The following NAA15 variants were observed in gnomAD, a reference collection of about 807,000 sequenced individuals.
The protein encoded by NAA15 is N-alpha-acetyltransferase 15, NatA auxiliary subunit.
Under a neutral mutation model 114.0 loss-of-function variants are expected in NAA15, and 34 were observed. The ratio of observed to expected loss-of-function variants is 0.30; its 90% CI spans 0.23 to 0.40. The LOEUF (loss-of-function observed/expected upper bound fraction) is 0.40, where lower values mean the gene tolerates loss of function less well. Among genes scored for constraint, NAA15 ranks in the 10% least tolerant of loss-of-function variants. The pLI is 1.00. For missense variants in NAA15, 658 were observed against 1,004.5 expected (o/e 0.66, Z 4.66); for synonymous variants, 340 against 338.0 (o/e 1.01, Z -0.06).
rs531793563 is a variant in NAA15 at position 139,384,647 on chromosome 4, T to TG, written c.2156-179dup. Among the ~76,000 whole-genome samples the TG allele has an allele frequency of 3.4e-4, 51 of 151,888 alleles. No individual in the cohort carries two copies. The East Asian group carries it at 9.9e-3, about 29-fold the overall frequency. On this transcript the variant is annotated intron_variant, in intron 17 of 19. Transcript: ENST00000296543. ...GTGCACACCTGAAGTCCCAGCTACC[T>TG]GGGGGGCTGAAGTGGGAGGATTGCA...
chr4:139,327,805 A>G (rs571209541), intron 1 of NAA15, among the ~76,000 whole-genome samples: 1 of 152,178 alleles, frequency 6.6e-6, no homozygotes, highest in East Asian at 1.9e-4. Context: ...AGCTAGCATT[A>G]CAGGCATGCA....
At position 139,373,383 on chromosome 4, in the gene NAA15, G is replaced by A. The variant is rs553600404; in HGVS notation, c.1947+2979G>A. On this transcript the variant is annotated intron_variant, in intron 15 of 19. Coordinates refer to ENST00000296543, the MANE Select transcript of NAA15 (RefSeq NM_057175.5). The stretch of plus-strand genomic sequence containing the variant: ...GTTTCTAAAATGCCCTAAAAATAGG[G>A]CATTCTAATCTTATGGGACCACTTA... 9.9e-5 allele frequency among the ~76,000 whole-genome samples: 15 copies of A among 152,184 alleles called. No individual in the cohort carries two copies. In the South Asian group the frequency reaches 3.1e-3, roughly 32 times the overall value.
intron 1 of NAA15, 199 bp downstream of exon 1, chr4:139,302,030 T>A: frequency 4.1e-6 from 2 of 484,194 alleles, no homozygotes; most frequent in Non-Finnish European, 7.1e-6. Flanking sequence ...CACAGGCTTC[T>A]TCATTCCATC....
At chr4:139,370,556 T>C in intron 15 of NAA15, 152 bp downstream of exon 15, 1 of 668,564 alleles carries the variant, frequency 1.5e-6, no homozygotes, top group Non-Finnish European at 2.2e-6. Flanking sequence ...TTCTTTAATA[T>C]TTTGTTTCTG....
chr4:139,326,797 A>G (rs934482085), intron 1 of NAA15, among the ~76,000 whole-genome samples: 1 of 152,260 alleles, frequency 6.6e-6, no homozygotes, highest in African/African-American at 2.4e-5. Context: ...CCATTAATAC[A>G]AAGTCAATTA....
At chr4:139,334,282 T>A in intron 2 of NAA15, 24 bp downstream of exon 2, 1 of 1,477,028 alleles carries the variant, frequency 6.8e-7, no homozygotes, top group Non-Finnish European at 9.3e-7. Flanking sequence ...GATAAAGCTT[T>A]ACTACATACC....
chr4:139,360,655 C>G, intron 13 of NAA15, 27 bp downstream of exon 13: 1 of 1,547,784 alleles, frequency 6.5e-7, no homozygotes, highest in Non-Finnish European at 8.7e-7. Flanking sequence ...TAAAAGTTTT[C>G]TTGTTTTATT....
At chr4:139,386,301 A>G in intron 19 of NAA15, 71 bp downstream of exon 19, 1 of 767,540 alleles carries the variant, frequency 1.3e-6, no homozygotes, top group Non-Finnish European at 2.1e-6. Context: ...ATAATTGGGT[A>G]TTTATACACA....
intron 8 of NAA15, 54 bp from the exon 9 acceptor site, chr4:139,351,450 TA>T: frequency 8.6e-7 from 1 of 1,156,268 alleles, no homozygotes. Context: ...AATACTTTGG[TA>T]AATGTAAGTA....
At chr4:139,324,021 C>T (rs1443132735) in intron 1 of NAA15, among the ~76,000 whole-genome samples, 2 of 152,120 alleles carry the variant, frequency 1.3e-5, no homozygotes, top group Non-Finnish European at 2.9e-5. Flanking sequence ...GTAGCTGAGA[C>T]TACAGGTATG....
intron 7 of NAA15, among the ~76,000 whole-genome samples, chr4:139,350,383 C>T (rs915109240): frequency 1.3e-5 from 2 of 152,182 alleles, no homozygotes; most frequent in South Asian, 2.1e-4. Flanking sequence ...GCCAGGGTCA[C>T]GTAAATGTAG....
In NAA15 at chr4:139,354,020, C is replaced by T; in HGVS notation, c.1015-6C>T. 6.2e-7 allele frequency: 1 copy of T among 1,610,098 alleles called. No homozygotes were observed. Among genetic ancestry groups the T allele is most frequent in the Non-Finnish European group, 8.5e-7 (1 of 1,177,548 alleles). ...ATTAAAGTGTGTTTGTGTGTTTGTA[C>T]TCTAGGTGGCAATCATAGAAGAGTT... is the stretch of plus-strand genomic sequence containing the variant. On this transcript the variant is annotated splice_region_variant and splice_polypyrimidine_tract_variant and intron_variant, in intron 9 of 19. Transcript: ENST00000296543.
At chr4:139,310,177 G>T (rs1243400457) in intron 1 of NAA15, among the ~76,000 whole-genome samples, 1 of 152,082 alleles carries the variant, frequency 6.6e-6, no homozygotes, top group Admixed American at 6.6e-5. Flanking sequence ...TTTTTGGGCC[G>T]GGCGCGGTGG....
In NAA15 at chr4:139,313,242, C is replaced by G. The variant is rs974626360; in HGVS notation, c.54+11411C>G. ...CATGGTTGCTGTTCAAATTCAAAAACTTTTTTTTCCTCTCACAATAAAATG... is the reference window on the plus strand; with the variant it reads ...CATGGTTGCTGTTCAAATTCAAAAAGTTTTTTTTCCTCTCACAATAAAATG... On this transcript the variant is annotated intron_variant, in intron 1 of 19. Coordinates refer to ENST00000296543, the MANE Select transcript of NAA15 (RefSeq NM_057175.5). Among the ~76,000 whole-genome samples, 10 of 151,880 alleles carry G rather than the reference C, an allele frequency of 6.6e-5. 1 individual carries two copies. Among genetic ancestry groups the G allele is most frequent in the Admixed American group, 6.6e-4 (10 of 15,246 alleles).
chr4:139,339,021 G>A (rs1208722598), intron 3 of NAA15, among the ~76,000 whole-genome samples: 1 of 151,894 alleles, frequency 6.6e-6, no homozygotes, highest in Non-Finnish European at 1.5e-5. Flanking sequence ...GTGTTGGCCA[G>A]GCTGGTCTCG....
chr4:139,353,200 CA>C (rs1747837067), intron 9 of NAA15, among the ~76,000 whole-genome samples: 1 of 152,016 alleles, frequency 6.6e-6, no homozygotes, highest in Admixed American at 6.6e-5. Flanking sequence ...TGAATTCTGC[CA>C]TTAGAATAAT....
chr4:139,304,293 A>G (rs1745931087), intron 1 of NAA15, among the ~76,000 whole-genome samples: 1 of 152,258 alleles, frequency 6.6e-6, no homozygotes, highest in African/African-American at 2.4e-5. Context: ...TTAAGGAATA[A>G]TACAGTGCAC....
chr4:139,331,867 T>C (rs1180217479), intron 1 of NAA15, among the ~76,000 whole-genome samples: 2 of 152,272 alleles, frequency 1.3e-5, no homozygotes, highest in East Asian at 1.9e-4. Context: ...CCAAGTCTTA[T>C]ACAAGCTTTT....
rs926577989 is a variant in NAA15 at position 139,313,814 on chromosome 4, G to A, written c.54+11983G>A. On this transcript the variant is annotated intron_variant, in intron 1 of 19. Transcript: ENST00000296543. The stretch of plus-strand genomic sequence containing the variant: ...GGCCTACCAAAGTGCTGGCATTACA[G>A]GTGTGAGCCACCGCGCCCGGCCTGT... Among the ~76,000 whole-genome samples, 21 of 151,790 alleles carry A rather than the reference G, an allele frequency of 1.4e-4. 1 individual carries two copies. The highest frequency in any genetic ancestry group is 5.1e-4 in the African/African-American group (21 of 41,238).
Sources: allele counts gnomAD v4.1 joint callset (sites outside exome capture counted in the v4.1 genomes callset), GRCh38; gene constraint gnomAD v4.1.1; transcripts MANE v1.5; gene names NCBI Gene and HGNC (gene_info 2026-07-23, HGNC 2026-07-21).